The following ARL15 variants were observed in gnomAD, a reference collection of about 807,000 sequenced individuals.
ARL15 encodes the protein ADP-ribosylation factor-like protein 15.
ARL15 carries 19 observed loss-of-function variants against 25.2 expected under a neutral mutation model. That is an observed-to-expected ratio of 0.75 (90% CI 0.53 to 1.10). The LOEUF (loss-of-function observed/expected upper bound fraction) is 1.10. Ranked by LOEUF, ARL15 falls within the 50% of genes least tolerant of loss-of-function variation. The pLI, the probability that ARL15 is intolerant of heterozygous loss-of-function variation, is 0.00. For missense variants in ARL15, 220 were observed against 246.0 expected, an observed-to-expected ratio of 0.89 and a Z score of 0.71; for synonymous variants, 94 against 86.8, an observed-to-expected ratio of 1.08 and a Z score of -0.46.
At chr5:54,114,846 C>T (rs1384290179) in intron 3 of ARL15, among the ~76,000 whole-genome samples, 9 of 152,112 alleles carry the variant, frequency 5.9e-5, no homozygotes, top group African/African-American at 1.4e-4. Context: ...GGTTATATAA[C>T]GACAATTAGA....
intron 1 of ARL15, among the ~76,000 whole-genome samples, chr5:54,221,973 C>T (rs1219767133): frequency 6.6e-6 from 1 of 152,012 alleles, no homozygotes; most frequent in African/African-American, 2.4e-5. Flanking sequence ...GAAATTTAAG[C>T]GTCTTGGGAA....
chr5:53,885,558 T>G lies in ARL15; in HGVS notation c.*1003A>C, dbSNP rs1241653926. 6.6e-6 allele frequency: 1 copy of G among 152,598 alleles called. No homozygotes were observed. The highest frequency in any genetic ancestry group is 1.5e-5 in the Non-Finnish European group (1 of 68,020). The allele number at this position is 152,598 out of a possible 1,614,324, so 9.5% of individuals were successfully genotyped here. On this transcript the variant is annotated 3_prime_UTR_variant, in exon 5 of 5. Coordinates refer to ENST00000504924, the MANE Select transcript of ARL15 (RefSeq NM_019087.3). Reference sequence around the variant, plus strand: ...ACTACTAGAGGAAGGCATTAACAGATTCCAATAAACTACAGTAACACGTAA... The same window carrying G: ...ACTACTAGAGGAAGGCATTAACAGAGTCCAATAAACTACAGTAACACGTAA...
chr5:53,891,331 C>T (rs1744701188), intron 4 of ARL15, among the ~76,000 whole-genome samples: 2 of 152,158 alleles, frequency 1.3e-5, no homozygotes, highest in Admixed American at 1.3e-4. Flanking sequence ...AGCTTTGACC[C>T]ACAAGAACGT....
intron 4 of ARL15, among the ~76,000 whole-genome samples, chr5:54,092,070 A>ACACACACACACACACAC (rs746618758): frequency 7.3e-5 from 11 of 151,576 alleles, no homozygotes; most frequent in African/African-American, 1.5e-4. Context: ...ACACACACAC[A>ACACACACACACACACAC]CACCACCACC....
rs537415016 is a variant in ARL15, at chr5:54,171,967, C to T, written c.49-39G>A. On this transcript the variant is annotated intron_variant, in intron 1 of 4. Coordinates refer to ENST00000504924, the MANE Select transcript of ARL15 (RefSeq NM_019087.3). ...GGGAAAAAAATGTTCCTTTAAATGA[C>T]AGTATGGAAATAAACCATAGTCACA... The T allele has an allele frequency of 3.0e-5, 48 of 1,596,186 alleles. No individual in the cohort carries two copies. The South Asian group carries it at 4.2e-4, about 14-fold the overall frequency.
chr5:54,272,408 A>G (rs1237333711), intron 1 of ARL15, among the ~76,000 whole-genome samples: 1 of 152,090 alleles, frequency 6.6e-6, no homozygotes, highest in Non-Finnish European at 1.5e-5. Flanking sequence ...AAAACACTAC[A>G]TGTTTGTCAA....
chr5:54,142,268 G>A (rs1329829569), intron 3 of ARL15, among the ~76,000 whole-genome samples: 1 of 152,076 alleles, frequency 6.6e-6, no homozygotes, highest in Non-Finnish European at 1.5e-5. Flanking sequence ...ATCAGCTTTG[G>A]CCAGAATTTG....
At chr5:54,017,812 G>C (rs1367945055) in intron 4 of ARL15, among the ~76,000 whole-genome samples, 1 of 151,876 alleles carries the variant, frequency 6.6e-6, no homozygotes, top group East Asian at 1.9e-4. Flanking sequence ...CCCTTCCCCA[G>C]AACTTAAGCA....
intron 1 of ARL15, among the ~76,000 whole-genome samples, chr5:54,191,458 G>C (rs1187895487): frequency 6.6e-6 from 1 of 151,342 alleles, no homozygotes; most frequent in Admixed American, 6.6e-5. Flanking sequence ...AAATAGTTAA[G>C]ATGGTGAATT....
At chr5:53,927,589 T>C (rs941851272) in intron 4 of ARL15, among the ~76,000 whole-genome samples, 1 of 152,182 alleles carries the variant, frequency 6.6e-6, no homozygotes, top group Admixed American at 6.5e-5. Context: ...ATCAACTCAG[T>C]GCAGCCCTGC....
At chr5:54,095,163 T>C (rs1752246979) in intron 4 of ARL15, among the ~76,000 whole-genome samples, 1 of 152,152 alleles carries the variant, frequency 6.6e-6, no homozygotes, top group Non-Finnish European at 1.5e-5. Context: ...TCAGTTCATC[T>C]TTCCTCCATC....
intron 1 of ARL15, among the ~76,000 whole-genome samples, chr5:54,258,168 C>T (rs901974842): frequency 1.6e-5 from 2 of 121,740 alleles, no homozygotes; most frequent in Non-Finnish European, 3.6e-5. Context: ...TTTGTTTCTA[C>T]AAAAAAAAAA....
At chr5:54,246,844 A>G (rs1250288961) in intron 1 of ARL15, among the ~76,000 whole-genome samples, 2 of 138,276 alleles carry the variant, frequency 1.4e-5, no homozygotes, top group Non-Finnish European at 3.2e-5. Flanking sequence ...ACACACACAC[A>G]CAGAGTACAT....
chr5:54,287,340 A>T (rs1231822929), intron 1 of ARL15, among the ~76,000 whole-genome samples: 2 of 152,100 alleles, frequency 1.3e-5, no homozygotes, highest in African/African-American at 4.8e-5. Flanking sequence ...CAGCACAATC[A>T]GGGGTATGCA....
chr5:53,922,755 C>T (rs1745895258), intron 4 of ARL15, among the ~76,000 whole-genome samples: 1 of 152,294 alleles, frequency 6.6e-6, no homozygotes, highest in Non-Finnish European at 1.5e-5. Context: ...TTGTGAACAA[C>T]AGCTCCATAG....
At position 53,886,457 on chromosome 5, in the gene ARL15, T is replaced by C. The variant is rs1744527846; in HGVS notation, c.*104A>G. On this transcript the variant is annotated 3_prime_UTR_variant, in exon 5 of 5. Transcript: ENST00000504924. ...AGAGTCTGAAATGACCAGAGGAAAA[T>C]AGATACTGAAGCCAATATAGTCTTG... is the stretch of plus-strand genomic sequence containing the variant. The C allele has an allele frequency of 5.6e-6, 7 of 1,255,362 alleles. No individual in the cohort carries two copies. Among genetic ancestry groups the C allele is most frequent in the African/African-American group, 4.6e-5 (3 of 65,780 alleles). 77.8% of individuals were successfully genotyped at this position (1,255,362 alleles called of 1,614,324 possible). A position where few individuals can be genotyped will look rare whatever the true frequency, so the allele number is the denominator to read the frequency against.
intron 4 of ARL15, among the ~76,000 whole-genome samples, chr5:54,037,560 C>G (rs1463892357): frequency 2.0e-5 from 3 of 152,086 alleles, no homozygotes; most frequent in Non-Finnish European, 2.9e-5. Context: ...TGCCTCCACC[C>G]TAATTATCAT....
intron 1 of ARL15, among the ~76,000 whole-genome samples, chr5:54,299,635 G>C (rs903585086): frequency 7.3e-6 from 1 of 137,290 alleles, no homozygotes; most frequent in Admixed American, 7.9e-5. Flanking sequence ...CTGTCGCCAG[G>C]CTGGAATGCA....
chr5:54,081,746 A>G (rs1751804711), intron 4 of ARL15, among the ~76,000 whole-genome samples: 1 of 152,122 alleles, frequency 6.6e-6, no homozygotes, highest in Non-Finnish European at 1.5e-5. Flanking sequence ...CTGTGAGTCA[A>G]TTAAACCTCT....
Sources: allele counts gnomAD v4.1 joint callset (sites outside exome capture counted in the v4.1 genomes callset), GRCh38; gene constraint gnomAD v4.1.1; transcripts MANE v1.5; gene names NCBI Gene and HGNC (gene_info 2026-07-23, HGNC 2026-07-21).